The following INPP5B variants were observed in gnomAD, a reference collection of about 807,000 sequenced individuals.
INPP5B encodes inositol polyphosphate-5-phosphatase B.
A neutral mutation model predicts 118.5 loss-of-function variants in INPP5B; 90 were observed. The ratio of observed to expected loss-of-function variants is 0.76; its 90% confidence interval spans 0.64 to 0.90. The LOEUF (loss-of-function observed/expected upper bound fraction) is 0.90, where lower values mean the gene tolerates loss of function less well. Among genes scored for constraint, INPP5B ranks in the 40% least tolerant of loss-of-function variants. INPP5B has a pLI of 0.00. For missense variants in INPP5B, 984 were observed against 1,125.6 expected (o/e 0.87, Z 1.80); for synonymous variants, 385 against 418.9 (o/e 0.92, Z 0.99).
intron 7 of INPP5B, among the ~76,000 whole-genome samples, chr1:37,917,782 A>G (rs984050691): frequency 5.3e-5 from 8 of 152,174 alleles, no homozygotes; most frequent in Non-Finnish European, 1.2e-4. Context: ...AAATAAATAA[A>G]TAAATAAAAT....
chr1:37,896,688 C>A (rs1481881273), intron 7 of INPP5B, among the ~76,000 whole-genome samples: 14 of 130,266 alleles, frequency 1.1e-4, no homozygotes, highest in East Asian at 2.5e-4. Context: ...GTGAGGAGCC[C>A]CTCTGCCCGG....
intron 18 of INPP5B, 120 bp from the exon 19 acceptor site, chr1:37,873,285 C>T (rs1642583520): frequency 1.4e-6 from 1 of 699,208 alleles, no homozygotes; most frequent in Admixed American, 2.4e-5. Context: ...AAGGTATCAG[C>T]CAACCAACAA....
chr1:37,936,112 T>C (rs976937510), intron 6 of INPP5B, among the ~76,000 whole-genome samples: 1 of 151,962 alleles, frequency 6.6e-6, no homozygotes, highest in African/African-American at 2.4e-5. Context: ...CCCCATAAGC[T>C]ATAGGGCAAA....
chr1:37,898,618 C>T (rs537685278), intron 7 of INPP5B, among the ~76,000 whole-genome samples: 1 of 151,668 alleles, frequency 6.6e-6, no homozygotes, highest in South Asian at 2.1e-4. Flanking sequence ...TGGTGTGAAC[C>T]CAGGAGGTGG....
chr1:37,911,377 C>A lies in INPP5B; in HGVS notation c.533-19923G>T, dbSNP rs147139882. ...CTCCCACATTATTCCGGATACCACA[C>A]CTGATCCCCATGACTGTATCTCTCT... On this transcript the variant is annotated intron_variant, in intron 7 of 23. Coordinates refer to ENST00000373024, the MANE Select transcript of INPP5B (RefSeq NM_005540.3). Among the ~76,000 whole-genome samples the A allele has an allele frequency of 4.8e-3, 736 of 152,314 alleles. 6 individuals are homozygous for A. The highest frequency in any genetic ancestry group is 0.017 in the African/African-American group (708 of 41,570).
intron 9 of INPP5B, among the ~76,000 whole-genome samples, chr1:37,888,578 A>G (rs1307762011): frequency 1.3e-5 from 2 of 152,178 alleles, no homozygotes; most frequent in African/African-American, 2.4e-5. Flanking sequence ...TACTCCGAAC[A>G]TTCCCACTTC....
chr1:37,930,258 C>T (rs1451059721), intron 7 of INPP5B: 2 of 152,124 alleles, frequency 1.3e-5, no homozygotes, highest in African/African-American at 2.4e-5. Flanking sequence ...AAACCGAAAC[C>T]GTAACAATAA....
intron 6 of INPP5B, among the ~76,000 whole-genome samples, chr1:37,936,060 C>G (rs1198944992): frequency 6.6e-6 from 1 of 151,614 alleles, no homozygotes; most frequent in African/African-American, 2.4e-5. Flanking sequence ...AGTGAGACTC[C>G]GTATCAAAAA....
At chr1:37,902,950 T>C (rs1644382880) in intron 7 of INPP5B, among the ~76,000 whole-genome samples, 1 of 151,388 alleles carries the variant, frequency 6.6e-6, no homozygotes, top group Non-Finnish European at 1.5e-5. Context: ...ATCACTGCAT[T>C]CCACTCTGGG....
At chr1:37,881,970 G>A (rs771563462) in intron 14 of INPP5B, among the ~76,000 whole-genome samples, 1 of 151,962 alleles carries the variant, frequency 6.6e-6, no homozygotes, top group African/African-American at 2.4e-5. Flanking sequence ...ATACTGGCAC[G>A]TGCCTGTAGT....
At chr1:37,897,378 G>A (rs1303911816) in intron 7 of INPP5B, among the ~76,000 whole-genome samples, 2 of 151,136 alleles carry the variant, frequency 1.3e-5, no homozygotes, top group Non-Finnish European at 3.0e-5. Context: ...TTTTCATTTT[G>A]TTCTGTACTA....
chr1:37,899,861 C>T (rs1474899511), intron 7 of INPP5B, among the ~76,000 whole-genome samples: 1 of 151,570 alleles, frequency 6.6e-6, no homozygotes, highest in Non-Finnish European at 1.5e-5. Flanking sequence ...CTACAGGAGT[C>T]CGCCACCACA....
intron 18 of INPP5B, 30 bp from the exon 19 acceptor site, chr1:37,873,195 C>T (rs778364233): frequency 6.5e-7 from 1 of 1,529,290 alleles, no homozygotes; most frequent in South Asian, 1.1e-5. Flanking sequence ...ATAATGTTGG[C>T]CGGGGGCAGG....
intron 5 of INPP5B, among the ~76,000 whole-genome samples, chr1:37,941,642 AAAAAT>A (rs1330164965): frequency 2.0e-5 from 3 of 150,824 alleles, no homozygotes; most frequent in Non-Finnish European, 4.4e-5. Context: ...TCCTGTCTCA[AAAAAT>A]AAAATAAAGG....
chr1:37,862,982 C>T lies in INPP5B; in HGVS notation c.2627-552G>A, dbSNP rs930452915. Among the ~76,000 whole-genome samples the T allele has an allele frequency of 4.6e-5, 7 of 152,178 alleles. No homozygotes were observed. In the South Asian group the frequency reaches 1.4e-3, roughly 31 times the overall value. ...GGAGGCAGCCCTGCTTGGTGTCCTG[C>T]CTCTCTGGTTCCTGCCTCCTCCCCC... On this transcript the variant is annotated intron_variant, in intron 23 of 23. Transcript: ENST00000373024.
intron 17 of INPP5B, 135 bp from the exon 18 acceptor site, chr1:37,874,290 C>T (rs1038901495): frequency 3.5e-6 from 2 of 572,270 alleles, no homozygotes; most frequent in Non-Finnish European, 5.5e-6. Context: ...TAAGTATCTA[C>T]CTGGGAGGCC....
chr1:37,942,492 G>A (rs2170169), intron 5 of INPP5B, among the ~76,000 whole-genome samples: 71,443 of 151,948 alleles, frequency 0.47, 18,392 homozygotes, highest in Non-Finnish European at 0.59. Flanking sequence ...CAATGCTGGC[G>A]TGGGATAATC....
In INPP5B at chr1:37,884,691, C is replaced by T. The variant is rs533890122; in HGVS notation, c.1319+947G>A. On this transcript the variant is annotated intron_variant, in intron 13 of 23. Coordinates refer to ENST00000373024, the MANE Select transcript of INPP5B (RefSeq NM_005540.3). ...AAATGGCCGGGCGTGGTGGCTCATGCCTGTAATCCCAGCACTTTGGGAGGC... is the reference window on the plus strand; with the variant it reads ...AAATGGCCGGGCGTGGTGGCTCATGTCTGTAATCCCAGCACTTTGGGAGGC... Among the ~76,000 whole-genome samples the T allele has an allele frequency of 3.3e-5, 5 of 152,208 alleles. No homozygotes were observed. The East Asian group carries it at 9.6e-4, about 29-fold the overall frequency.
intron 7 of INPP5B, among the ~76,000 whole-genome samples, chr1:37,919,096 T>C (rs1275889387): frequency 6.6e-6 from 1 of 152,196 alleles, no homozygotes; most frequent in African/African-American, 2.4e-5. Context: ...CCATTTTGCA[T>C]GCATGAGGAC....
Sources: gnomAD v4.1 joint callset for allele counts (sites outside exome capture counted in the v4.1 genomes callset) on GRCh38, gnomAD v4.1.1 for gene constraint, MANE v1.5 for transcripts, NCBI Gene and HGNC (gene_info 2026-07-23, HGNC 2026-07-21) for gene names.